Variants in EIF4EBP1 observed in about 807,000 individuals in gnomAD.
EIF4EBP1 encodes eukaryotic translation initiation factor 4E binding protein 1, also known as eukaryotic translation initiation factor 4E-binding protein 1.
EIF4EBP1 carries 5 observed loss-of-function variants against 9.2 expected under a neutral mutation model. The observed-to-expected ratio is 0.54, with a 90% CI of 0.28 to 1.14. The LOEUF (loss-of-function observed/expected upper bound fraction) is 1.14, where lower values mean the gene tolerates loss of function less well. EIF4EBP1 is among the 50% of genes most tolerant of loss of function. The probability of loss-of-function intolerance (pLI) is 0.09; values close to 1 mark genes in which losing one functional copy is unlikely to be tolerated. For synonymous variants in EIF4EBP1, 62 were observed against 67.0 expected (o/e 0.93, Z 0.36); for missense variants, 139 against 169.6 (o/e 0.82, Z 1.00).
chr8:38,057,694 TAAG>T (rs1365924330), intron 2 of EIF4EBP1, among the ~76,000 whole-genome samples: 2 of 152,180 alleles, frequency 1.3e-5, no homozygotes, highest in Admixed American at 1.3e-4. Flanking sequence ...GTCTACAAGA[TAAG>T]AAATACATCC....
At chr8:38,055,822 C>G (rs887918757) in intron 1 of EIF4EBP1, among the ~76,000 whole-genome samples, 1 of 151,978 alleles carries the variant, frequency 6.6e-6, no homozygotes, top group Admixed American at 6.6e-5. Context: ...TGGTGAAATC[C>G]CGTCTCTACT....
intron 1 of EIF4EBP1, among the ~76,000 whole-genome samples, chr8:38,036,498 TG>T (rs1241005528): frequency 6.6e-6 from 1 of 152,178 alleles, no homozygotes; most frequent in Non-Finnish European, 1.5e-5. Context: ...TTGATTTTTT[TG>T]CTTCCTAAAA....
intron 1 of EIF4EBP1, among the ~76,000 whole-genome samples, chr8:38,034,609 T>C (rs905140638): frequency 3.9e-5 from 6 of 152,194 alleles, no homozygotes; most frequent in African/African-American, 1.4e-4. Flanking sequence ...CTGAAGCCTA[T>C]ATACAGGCTT....
chr8:38,041,581 C>A (rs1285858915), intron 1 of EIF4EBP1, among the ~76,000 whole-genome samples: 1 of 152,122 alleles, frequency 6.6e-6, no homozygotes, highest in Admixed American at 6.6e-5. Context: ...GTGCAGAAGC[C>A]GACTGGAATC....
At chr8:38,043,080 A>T (rs1217999547) in intron 1 of EIF4EBP1, among the ~76,000 whole-genome samples, 1 of 152,100 alleles carries the variant, frequency 6.6e-6, no homozygotes, top group Admixed American at 6.6e-5. Context: ...CACACGAAAA[A>T]AAGTTTTTGG....
At chr8:38,056,951 C>T (rs1809603750) in intron 1 of EIF4EBP1, 130 bp from the exon 2 acceptor site, 6 of 943,866 alleles carry the variant, frequency 6.4e-6, no homozygotes, top group Admixed American at 4.2e-5. Context: ...GCATGAGCCA[C>T]CGCACCCAGC....
At chr8:38,057,530 G>C (rs1365261101) in intron 2 of EIF4EBP1, among the ~76,000 whole-genome samples, 3 of 152,198 alleles carry the variant, frequency 2.0e-5, no homozygotes, top group Non-Finnish European at 4.4e-5. Flanking sequence ...GAGTTTGTTT[G>C]AAATGGCAGC....
rs973611958 is a variant in EIF4EBP1 at position 38,035,910 on chromosome 8, C to T, written c.145+5192C>T. On this transcript the variant is annotated intron_variant, in intron 1 of 2. Coordinates refer to ENST00000338825, the MANE Select transcript of EIF4EBP1 (RefSeq NM_004095.4). ...TTTTAGTAGAGATGGGGTTTCACCACGTTGGCCAGGCTGGTCTCGAACTCC... is the reference window on the plus strand; with the variant it reads ...TTTTAGTAGAGATGGGGTTTCACCATGTTGGCCAGGCTGGTCTCGAACTCC... Among the ~76,000 whole-genome samples, 16 of 150,068 alleles carry T rather than the reference C, an allele frequency of 1.1e-4. No homozygotes were observed. In the South Asian group the frequency reaches 3.4e-3, roughly 32 times the overall value.
intron 1 of EIF4EBP1, among the ~76,000 whole-genome samples, chr8:38,032,727 T>C (rs1749358075): frequency 6.6e-6 from 1 of 152,144 alleles, no homozygotes. Flanking sequence ...GCCAGCTCAC[T>C]GTTTGGTCGT....
intron 2 of EIF4EBP1, 128 bp from the exon 3 acceptor site, chr8:38,059,776 C>CA (rs1056124506): frequency 8.6e-4 from 733 of 853,492 alleles, no homozygotes; most frequent in Non-Finnish European, 1.0e-3. Flanking sequence ...AACAAAAAAA[C>CA]AAAAAAAAAC....
intron 1 of EIF4EBP1, among the ~76,000 whole-genome samples, chr8:38,046,709 G>A (rs754089720): frequency 4.8e-4 from 73 of 152,180 alleles, no homozygotes; most frequent in Admixed American, 3.2e-3. Flanking sequence ...CATTGTCGTC[G>A]CCAATCTGGA....
intron 1 of EIF4EBP1, among the ~76,000 whole-genome samples, chr8:38,033,640 C>A (rs980263341): frequency 2.0e-5 from 3 of 151,980 alleles, no homozygotes; most frequent in Non-Finnish European, 4.4e-5. Flanking sequence ...AAGTACCCCC[C>A]AGTCACTCCT....
intron 1 of EIF4EBP1, among the ~76,000 whole-genome samples, chr8:38,031,378 C>T (rs1809217036): frequency 6.6e-6 from 1 of 152,104 alleles, no homozygotes; most frequent in African/African-American, 2.4e-5. Context: ...TGTGACCTCC[C>T]TGGGAGAGGA....
intron 2 of EIF4EBP1, 127 bp from the exon 3 acceptor site, chr8:38,059,776 CA>C (rs1056124506): frequency 1.4e-4 from 124 of 856,430 alleles, no homozygotes; most frequent in East Asian, 1.7e-4. Context: ...AACAAAAAAA[CA>C]AAAAAAAACT....
At chr8:38,057,621 T>A (rs1809616712) in intron 2 of EIF4EBP1, among the ~76,000 whole-genome samples, 1 of 152,212 alleles carries the variant, frequency 6.6e-6, no homozygotes, top group Non-Finnish European at 1.5e-5. Flanking sequence ...ACACCCATGA[T>A]GTTTGTGGTG....
chr8:38,045,560 C>A (rs1809438765), intron 1 of EIF4EBP1, among the ~76,000 whole-genome samples: 3 of 151,096 alleles, frequency 2.0e-5, no homozygotes, highest in Non-Finnish European at 2.9e-5. Context: ...AAAAAATTAG[C>A]TGGGCATGGT....
At chr8:38,052,086 C>A (rs999603710) in intron 1 of EIF4EBP1, among the ~76,000 whole-genome samples, 2 of 152,166 alleles carry the variant, frequency 1.3e-5, no homozygotes, top group Admixed American at 1.3e-4. Flanking sequence ...TGATGCCACT[C>A]CACCTGCTGA....
chr8:38,051,316 C>T (rs993352876), intron 1 of EIF4EBP1, among the ~76,000 whole-genome samples: 15 of 152,148 alleles, frequency 9.9e-5, no homozygotes, highest in South Asian at 2.1e-4. Flanking sequence ...CTGTCTTTAC[C>T]TGTTGTGATT....
chr8:38,059,311 CCT>C (rs1369806674), intron 2 of EIF4EBP1, among the ~76,000 whole-genome samples: 10 of 152,086 alleles, frequency 6.6e-5, no homozygotes, highest in Non-Finnish European at 1.2e-4. Context: ...GCCACTCCAC[CCT>C]CTCTCTTGCT....
Sources: allele counts gnomAD v4.1 joint callset (sites outside exome capture counted in the v4.1 genomes callset), GRCh38; gene constraint gnomAD v4.1.1; transcripts MANE v1.5; gene names NCBI Gene and HGNC (gene_info 2026-07-23, HGNC 2026-07-21).